Variants in TMEM272 observed in about 807,000 individuals in gnomAD.
TMEM272 encodes long intergenic non-protein coding RNA 282.
In TMEM272, 8 loss-of-function variants were observed where a neutral mutation model predicts 3.7. The observed-to-expected ratio is 2.17, with a 90% confidence interval of 1.27 to 3.91. TMEM272 has a LOEUF of 3.91. Among genes scored for constraint, TMEM272 ranks in the 30% most tolerant of loss-of-function variants. The probability of loss-of-function intolerance (pLI) is 0.00; values close to 1 mark genes in which losing one functional copy is unlikely to be tolerated. For missense variants in TMEM272, 166 were observed against 91.5 expected (o/e 1.81, Z -3.32); for synonymous variants, 63 against 39.8 (o/e 1.58, Z -2.20).
the TMEM272 span, among the ~76,000 whole-genome samples, chr13:51,903,789 A>T: frequency 2.0e-5 from 3 of 152,106 alleles, no homozygotes; most frequent in Non-Finnish European, 4.4e-5. Flanking sequence ...GCTTCAATAA[A>T]CCTATCATAG....
the TMEM272 span, among the ~76,000 whole-genome samples, chr13:51,873,865 G>C: frequency 6.6e-6 from 1 of 152,150 alleles, no homozygotes; most frequent in African/African-American, 2.4e-5. Flanking sequence ...GACTATGCAG[G>C]GAATACTCAA....
At chr13:51,890,270 A>T in the TMEM272 span, among the ~76,000 whole-genome samples, 4,309 of 152,176 alleles carry the variant, frequency 0.028, 182 homozygotes, top group African/African-American at 0.098. Flanking sequence ...GCCTAATGGG[A>T]GGAGTTTGCA....
the TMEM272 span, among the ~76,000 whole-genome samples, chr13:51,879,413 G>A: frequency 1.3e-5 from 2 of 152,128 alleles, no homozygotes; most frequent in East Asian, 3.8e-4. Context: ...GATTGGATGA[G>A]CTGTCTACTG....
the TMEM272 span, among the ~76,000 whole-genome samples, chr13:51,928,010 T>C: frequency 2.0e-5 from 3 of 152,118 alleles, no homozygotes; most frequent in African/African-American, 7.2e-5. Flanking sequence ...GCCAGTGCTA[T>C]TAACCTCCCC....
At chr13:51,876,421 T>C in the TMEM272 span, among the ~76,000 whole-genome samples, 1 of 152,256 alleles carries the variant, frequency 6.6e-6, no homozygotes, top group Non-Finnish European at 1.5e-5. Flanking sequence ...TAACTGTGGG[T>C]ACAGAAATCC....
At chr13:51,826,357 C>T (rs117571182) in intron 3 of TMEM272, among the ~76,000 whole-genome samples, 3,453 of 152,254 alleles carry the variant, frequency 0.023, 68 homozygotes, top group Non-Finnish European at 0.031. Flanking sequence ...CCCAGATATA[C>T]TGCACTGATA....
the TMEM272 span, among the ~76,000 whole-genome samples, chr13:51,904,531 T>C: frequency 4.9e-4 from 75 of 152,272 alleles, no homozygotes; most frequent in Admixed American, 4.8e-3. Context: ...TAGGAATTCA[T>C]GGTATGGACG....
At chr13:51,878,801 C>T in the TMEM272 span, among the ~76,000 whole-genome samples, 1 of 152,148 alleles carries the variant, frequency 6.6e-6, no homozygotes, top group African/African-American at 2.4e-5. Context: ...TCTTTTGTTA[C>T]ATATTAAATT....
chr13:51,913,454 C>T, the TMEM272 span, among the ~76,000 whole-genome samples: 1 of 152,226 alleles, frequency 6.6e-6, no homozygotes, highest in Non-Finnish European at 1.5e-5. Flanking sequence ...TGTCTCCCTG[C>T]TCTCTAAGCC....
At chr13:51,911,140 A>C in the TMEM272 span, among the ~76,000 whole-genome samples, 2 of 152,208 alleles carry the variant, frequency 1.3e-5, no homozygotes, top group Non-Finnish European at 2.9e-5. Context: ...TGAAATCATT[A>C]CTTTGGGTGC....
the TMEM272 span, among the ~76,000 whole-genome samples, chr13:51,891,808 TGGA>T: frequency 2.0e-5 from 3 of 152,178 alleles, no homozygotes; most frequent in African/African-American, 4.8e-5. Flanking sequence ...AAAGAGTATT[TGGA>T]GGAGGGAAGG....
intron 2 of TMEM272, among the ~76,000 whole-genome samples, chr13:51,833,818 C>A (rs190108345): frequency 6.6e-6 from 1 of 152,290 alleles, no homozygotes; most frequent in Non-Finnish European, 1.5e-5. Flanking sequence ...GTTGCCATCT[C>A]TTTCTCTGAT....
chr13:51,906,219 T>C, the TMEM272 span, among the ~76,000 whole-genome samples: 1 of 152,172 alleles, frequency 6.6e-6, no homozygotes, highest in African/African-American at 2.4e-5. Flanking sequence ...CCCTGAGGCA[T>C]CTAATTCAAA....
At chr13:51,914,356 C>T in the TMEM272 span, among the ~76,000 whole-genome samples, 3 of 152,230 alleles carry the variant, frequency 2.0e-5, no homozygotes, top group Admixed American at 2.0e-4. Flanking sequence ...GCACTGTCAC[C>T]AAGGTGGAGA....
the TMEM272 span, among the ~76,000 whole-genome samples, chr13:51,903,693 T>G: frequency 6.6e-6 from 1 of 152,182 alleles, no homozygotes; most frequent in Non-Finnish European, 1.5e-5. Flanking sequence ...GGCAGAGTGC[T>G]ATTTCCAGAC....
the TMEM272 span, among the ~76,000 whole-genome samples, chr13:51,871,333 G>T: frequency 6.6e-6 from 1 of 151,962 alleles, no homozygotes; most frequent in African/African-American, 2.4e-5. Context: ...TGGGACTACA[G>T]GTGCCCGCCA....
At chr13:51,888,967 T>C in the TMEM272 span, among the ~76,000 whole-genome samples, 1 of 152,162 alleles carries the variant, frequency 6.6e-6, no homozygotes, top group Non-Finnish European at 1.5e-5. Context: ...TTCTTTTTAA[T>C]GGCCACAGAG....
At chr13:51,830,831 G>A (rs1306250883) in intron 2 of TMEM272, among the ~76,000 whole-genome samples, 1 of 152,152 alleles carries the variant, frequency 6.6e-6, no homozygotes, top group Non-Finnish European at 1.5e-5. Flanking sequence ...GCTGTGCCCT[G>A]GCTTCATCCA....
the TMEM272 span, among the ~76,000 whole-genome samples, chr13:51,907,076 G>A: frequency 6.6e-6 from 1 of 152,160 alleles, no homozygotes; most frequent in Non-Finnish European, 1.5e-5. Flanking sequence ...CAGGGATCTG[G>A]GGTGCATCTG....
Sources: gnomAD v4.1 joint callset for allele counts (sites outside exome capture counted in the v4.1 genomes callset) on GRCh38, gnomAD v4.1.1 for gene constraint, MANE v1.5 for transcripts, NCBI Gene and HGNC (gene_info 2026-07-23, HGNC 2026-07-21) for gene names.